HNRNPH1: variants seen among roughly 807,000 people sequenced by gnomAD.
HNRNPH1 encodes the protein heterogeneous nuclear ribonucleoprotein H.
Under a neutral mutation model 58.6 loss-of-function variants are expected in HNRNPH1, and 4 were observed. The observed-to-expected ratio is 0.07, with a 90% CI of 0.03 to 0.16. The LOEUF (loss-of-function observed/expected upper bound fraction) is 0.16, where lower values mean the gene tolerates loss of function less well. HNRNPH1 is among the 10% of genes least tolerant of loss of function. The probability of loss-of-function intolerance (pLI) is 1.00; values close to 1 mark genes in which losing one functional copy is unlikely to be tolerated. For synonymous variants in HNRNPH1, 192 were observed against 189.2 expected, an observed-to-expected ratio of 1.01 and a Z score of -0.12; for missense variants, 271 against 564.2, an observed-to-expected ratio of 0.48 and a Z score of 5.26.
intron 4 of HNRNPH1, 32 bp from the exon 6 acceptor site, chr5:179,618,355 A>C: frequency 6.7e-7 from 1 of 1,493,122 alleles, no homozygotes; most frequent in Non-Finnish European, 9.2e-7. Flanking sequence ...AGGGGTAGGG[A>C]GGGGAGAGAA....
chr5:179,615,464 G>A (rs1769060175), intron 12 of HNRNPH1, 82 bp downstream of exon 13: 2 of 737,646 alleles, frequency 2.7e-6, no homozygotes, highest in Non-Finnish European at 4.6e-6. Flanking sequence ...TTAAGTCAGA[G>A]CCATTGACTG....
chr5:179,618,063 G>A lies in HNRNPH1; in HGVS notation c.716-3C>T, dbSNP rs1442342125. On this transcript the variant is annotated splice_polypyrimidine_tract_variant and splice_region_variant and intron_variant, in intron 5 of 12. Coordinates refer to ENST00000356731, the Ensembl canonical transcript of HNRNPH1. ...GTAATCATCATAGCCTCCATAGCCT[G>A]AAAGACAAAGTACAATCAATCAAAT... is the stretch of plus-strand genomic sequence containing the variant. 8.1e-6 allele frequency: 13 copies of A among 1,613,862 alleles called. No individual in the cohort carries two copies. In the African/African-American group the frequency reaches 1.5e-4, roughly 18 times the overall value.
chr5:179,627,873 G>C (rs1774521202), upstream of HNRNPH1, among the ~76,000 whole-genome samples: 1 of 149,846 alleles, frequency 6.7e-6, no homozygotes, highest in African/African-American at 2.5e-5. Flanking sequence ...AGTGAGCAGA[G>C]ATCCTGCCAC....
chr5:179,617,343 A>G (rs1770265887), intron 8 of HNRNPH1, 171 bp downstream of exon 9: 1 of 793,232 alleles, frequency 1.3e-6, no homozygotes, highest in Non-Finnish European at 2.0e-6. Context: ...CAAATCCGTT[A>G]TACTAATTTT....
chr5:179,621,094 T>TCC (rs1203433432), intron 2 of HNRNPH1, 59 bp from the exon 4 acceptor site: 11 of 1,579,834 alleles, frequency 7.0e-6, no homozygotes, highest in Non-Finnish European at 7.8e-6. Flanking sequence ...AGTTCAGACT[T>TCC]CCTGGGTCTT....
At chr5:179,630,931 C>A (rs1425395318) in intron 2 of HNRNPH1, among the ~76,000 whole-genome samples, 73 of 150,236 alleles carry the variant, frequency 4.9e-4, no homozygotes, top group Non-Finnish European at 9.0e-4. Context: ...GAAACAAAAA[C>A]AGCTCAAAAA....
At chr5:179,619,694 A>C (rs1771358557) in intron 3 of HNRNPH1, 1 of 219,252 alleles carries the variant, frequency 4.6e-6, no homozygotes, top group East Asian at 9.2e-5. Context: ...TATGCAACTT[A>C]ATGTTGAGAA....
At chr5:179,628,385 G>C (rs1377164693), upstream of HNRNPH1, among the ~76,000 whole-genome samples, 1 of 152,074 alleles carries the variant, frequency 6.6e-6, no homozygotes, top group East Asian at 1.9e-4. Flanking sequence ...ATGGAGTCTT[G>C]CTCTGTCACC....
chr5:179,619,336 C>G (rs1771218913), exon 4 of HNRNPH1: 4 of 1,613,416 alleles, frequency 2.5e-6, no homozygotes, highest in Non-Finnish European at 3.4e-6. Flanking sequence ...GCAAACTGCA[C>G]GAAGGCCTCC....
At chr5:179,629,980 C>T (rs140425828) in intron 2 of HNRNPH1, among the ~76,000 whole-genome samples, 173 of 151,000 alleles carry the variant, frequency 1.1e-3, no homozygotes, top group African/African-American at 4.1e-3. Context: ...GACTAGATCA[C>T]GCCACTACAC....
chr5:179,615,384 G>T (rs961306114), intron 12 of HNRNPH1, 162 bp downstream of exon 13: 3 of 512,918 alleles, frequency 5.8e-6, no homozygotes, highest in Non-Finnish European at 3.5e-6. Context: ...TATTCATGGT[G>T]GGCAGGAAGT....
At chr5:179,630,554 AG>A (rs952522813) in intron 2 of HNRNPH1, among the ~76,000 whole-genome samples, 41 of 152,272 alleles carry the variant, frequency 2.7e-4, no homozygotes, top group Non-Finnish European at 7.4e-5. Context: ...GATGCCATCA[AG>A]GTACATTGTG....
chr5:179,621,563 A>G lies in HNRNPH1; in HGVS notation c.98-166T>C, dbSNP rs1562299074. 4 of 602,364 alleles carry G rather than the reference A, an allele frequency of 6.6e-6. No individual in the cohort carries two copies. In the South Asian group the frequency reaches 8.7e-5, roughly 13 times the overall value. The allele number at this position is 602,364 out of a possible 1,614,324, so 37.3% of individuals were successfully genotyped here. A position where few individuals can be genotyped will look rare whatever the true frequency, so the allele number is the denominator to read the frequency against. The stretch of plus-strand genomic sequence containing the variant: ...CTCCTAAAACTCCAATTAAAAAAAA[A>G]CAAACTCATTCCTAAGGTGATATAT... On this transcript the variant is annotated intron_variant, in intron 1 of 12. Transcript: ENST00000356731.
chr5:179,634,233 C>T (rs894868075), intron 1 of HNRNPH1: 1 of 130,248 alleles, frequency 7.7e-6, no homozygotes, highest in African/African-American at 2.9e-5. Context: ...GGCGGGGAGA[C>T]CCCTCGCTAA....
At chr5:179,619,691 C>G (rs1484456858) in intron 3 of HNRNPH1, 1 of 226,266 alleles carries the variant, frequency 4.4e-6, no homozygotes, top group Non-Finnish European at 8.5e-6. Flanking sequence ...ATCTATGCAA[C>G]TTAATGTTGA....
At chr5:179,627,014 C>T (rs1350536406), upstream of HNRNPH1, among the ~76,000 whole-genome samples, 4 of 152,042 alleles carry the variant, frequency 2.6e-5, no homozygotes, top group Non-Finnish European at 5.9e-5. Flanking sequence ...ATCTCCTAAC[C>T]TCATGATCCG....
chr5:179,615,076 T>TG, intron 12 of HNRNPH1, 117 bp from the exon 14 acceptor site: 1 of 683,908 alleles, frequency 1.5e-6, no homozygotes, highest in African/African-American at 1.8e-5. Flanking sequence ...GCTGTCCAAG[T>TG]GGCGAGACGC....
intron 2 of HNRNPH1, among the ~76,000 whole-genome samples, chr5:179,633,461 A>ATTTTTTTTTT (rs762139490): frequency 2.3e-3 from 233 of 102,512 alleles, no homozygotes; most frequent in Non-Finnish European, 2.8e-3. Context: ...CACCCGGCTA[A>ATTTTTTTTTT]TTTTTTTTTT....
intron 2 of HNRNPH1, among the ~76,000 whole-genome samples, chr5:179,630,365 TAAAAGAAAAAGA>T (rs150276856): frequency 3.3e-5 from 5 of 150,460 alleles, no homozygotes; most frequent in Admixed American, 6.6e-5. Context: ...AATAAATAAA[TAAAAGAAAAAGA>T]AAAAGAAAAG....
Sources: allele counts gnomAD v4.1 joint callset (sites outside exome capture counted in the v4.1 genomes callset), GRCh38; gene constraint gnomAD v4.1.1; transcripts MANE v1.5; gene names NCBI Gene and HGNC (gene_info 2026-07-23, HGNC 2026-07-21).